Variants in WRN observed in about 807,000 individuals in gnomAD.
WRN encodes WRN RecQ like helicase, also known as bifunctional 3'-5' exonuclease/ATP-dependent helicase WRN.
In WRN, 149 loss-of-function variants were observed where a neutral mutation model predicts 180.7. That is an observed-to-expected ratio of 0.82 (90% CI 0.72 to 0.94). WRN has a LOEUF of 0.94. Ranked by LOEUF, WRN falls within the 40% of genes least tolerant of loss-of-function variation. The pLI is 0.00. For synonymous variants in WRN, 548 were observed against 568.9 expected, an observed-to-expected ratio of 0.96 and a Z score of 0.52; for missense variants, 1,661 against 1,700.1, an observed-to-expected ratio of 0.98 and a Z score of 0.40.
chr8:31,089,528 A>T (rs1813660011), intron 13 of WRN, among the ~76,000 whole-genome samples: 1 of 152,050 alleles, frequency 6.6e-6, no homozygotes, highest in South Asian at 2.1e-4. Flanking sequence ...TTTAAAATAT[A>T]ATCCACTGAA....
At chr8:31,153,342 G>A (rs1803216099) in intron 31 of WRN, among the ~76,000 whole-genome samples, 1 of 152,060 alleles carries the variant, frequency 6.6e-6, no homozygotes, top group Non-Finnish European at 1.5e-5. Context: ...CTAGACCATG[G>A]TGTTGCCATA....
intron 33 of WRN, among the ~76,000 whole-genome samples, chr8:31,159,978 A>T (rs947912480): frequency 5.6e-5 from 8 of 143,884 alleles, no homozygotes; most frequent in Non-Finnish European, 7.7e-5. Context: ...TTGTACCCTG[A>T]CAAGTTTTAG....
intron 7 of WRN, among the ~76,000 whole-genome samples, chr8:31,072,544 G>C (rs1173235237): frequency 6.6e-6 from 1 of 152,120 alleles, no homozygotes; most frequent in East Asian, 1.9e-4. Flanking sequence ...ATGTTGCCCA[G>C]CCTGGCTCAG....
At chr8:31,065,134 G>A in intron 5 of WRN, 71 bp downstream of exon 5, 1 of 1,504,812 alleles carries the variant, frequency 6.6e-7, no homozygotes, top group South Asian at 1.3e-5. Flanking sequence ...CTTTCTATCT[G>A]AATGTTAGAT....
In WRN at chr8:31,033,825, C is replaced by T. The variant is rs1387181386; in HGVS notation, c.-225C>T. On this transcript the variant is annotated 5_prime_UTR_variant, in exon 1 of 35. Coordinates refer to ENST00000298139, the MANE Select transcript of WRN (RefSeq NM_000553.6). Reference sequence around the variant, plus strand: ...CGGAGCTGATGTGTACTGTGTGCGCCGGGGAGGCGCCGGCTTGTACTCGGC... The same window carrying T: ...CGGAGCTGATGTGTACTGTGTGCGCTGGGGAGGCGCCGGCTTGTACTCGGC... The T allele has an allele frequency of 6.6e-6, 1 of 152,208 alleles. No homozygotes were observed. Among genetic ancestry groups the T allele is most frequent in the African/African-American group, 2.4e-5 (1 of 41,406 alleles). 9.4% of individuals were successfully genotyped at this position (152,208 alleles called of 1,614,324 possible).
At chr8:31,147,540 T>A in intron 30 of WRN, 64 bp downstream of exon 30, 1 of 1,456,090 alleles carries the variant, frequency 6.9e-7, no homozygotes, top group Non-Finnish European at 9.6e-7. Flanking sequence ...GGAAAATATA[T>A]CTAAGTTGAT....
intron 7 of WRN, among the ~76,000 whole-genome samples, chr8:31,073,548 G>A (rs1374669098): frequency 1.5e-5 from 2 of 129,716 alleles, no homozygotes; most frequent in African/African-American, 6.4e-5. Flanking sequence ...GGATCAATTT[G>A]GGAAATATGA....
chr8:31,129,074 C>G (rs1802046325), intron 23 of WRN, among the ~76,000 whole-genome samples: 1 of 152,094 alleles, frequency 6.6e-6, no homozygotes, highest in Non-Finnish European at 1.5e-5. Flanking sequence ...AATTCCTGGG[C>G]TCAAGCAATT....
intron 9 of WRN, among the ~76,000 whole-genome samples, chr8:31,082,774 T>A (rs1585430240): frequency 6.6e-6 from 1 of 152,022 alleles, no homozygotes; most frequent in Non-Finnish European, 1.5e-5. Context: ...TTTTTGTATT[T>A]TTAGTAGAGA....
chr8:31,056,177 A>G (rs2129989410), intron 1 of WRN, among the ~76,000 whole-genome samples: 1 of 152,344 alleles, frequency 6.6e-6, no homozygotes, highest in East Asian at 1.9e-4. Flanking sequence ...TACTTACAAA[A>G]TTTTAGAAGT....
At position 31,101,856 on chromosome 8, in the gene WRN, T is replaced by C. The variant is rs1007324465; in HGVS notation, c.2088+901T>C. On this transcript the variant is annotated intron_variant, in intron 18 of 34. Transcript: ENST00000298139. ...ATTCTACATGATTGGCATATTTACA[T>C]GAATGGTTTAAAAACCCACAATAAT... Among the ~76,000 whole-genome samples, 4 of 149,812 alleles carry C rather than the reference T, an allele frequency of 2.7e-5. No individual in the cohort carries two copies. The South Asian group carries it at 8.4e-4, about 32-fold the overall frequency.
rs1804172785 is a variant in WRN, at chr8:31,173,375, T to C, written c.*273T>C. ...AAGAAACTGTTACTGTCCTGTTTTCTAATCTCTTTATTAAAACAGTGTATT... is the reference window on the plus strand; with the variant it reads ...AAGAAACTGTTACTGTCCTGTTTTCCAATCTCTTTATTAAAACAGTGTATT... On this transcript the variant is annotated 3_prime_UTR_variant, in exon 35 of 35. Transcript: ENST00000298139. 4 of 427,908 alleles carry C rather than the reference T, an allele frequency of 9.3e-6. No homozygotes were observed. The highest frequency in any genetic ancestry group is 4.0e-5 in the Admixed American group (1 of 25,216). 26.5% of individuals were successfully genotyped at this position (427,908 alleles called of 1,614,324 possible).
chr8:31,085,796 T>G (rs1813507092), intron 11 of WRN, among the ~76,000 whole-genome samples: 1 of 152,088 alleles, frequency 6.6e-6, no homozygotes, highest in Non-Finnish European at 1.5e-5. Flanking sequence ...TGTTACTTTC[T>G]TGTAATTTTT....
chr8:31,055,405 C>A (rs1812231089), intron 1 of WRN, among the ~76,000 whole-genome samples: 1 of 152,132 alleles, frequency 6.6e-6, no homozygotes, highest in Non-Finnish European at 1.5e-5. Context: ...CTTGCCAGCA[C>A]CTGTTGTTTC....
chr8:31,095,908 T>C (rs1182439489), intron 16 of WRN, among the ~76,000 whole-genome samples: 5 of 152,212 alleles, frequency 3.3e-5, no homozygotes, highest in Admixed American at 2.6e-4. Flanking sequence ...TCAACCCATA[T>C]GCCTGCTGGG....
At chr8:31,143,495 C>T in intron 27 of WRN, 55 bp from the exon 28 acceptor site, 1 of 1,219,322 alleles carries the variant, frequency 8.2e-7, no homozygotes, top group Non-Finnish European at 1.2e-6. Flanking sequence ...ATTTTCTTCA[C>T]ATTTAAAAGT....
Position 31,087,863 on chromosome 8 carries a change from G to A in WRN, c.1519G>A (p.Glu507Lys), listed in dbSNP as rs1408863821. The A allele has an allele frequency of 6.4e-6, 10 of 1,569,346 alleles. No homozygotes were observed. The Admixed American group carries it at 1.2e-4, about 19-fold the overall frequency. ...AAGAAATCTGGGTCTTCCTACTAAA[G>A]AAGAAGAAGAAGATGATGAAAATGA... is the stretch of plus-strand genomic sequence containing the variant. ...MERNLGLPTK[E>K]EEEDDENEAN... Residue 507 changes from glutamate to lysine, a missense_variant, in exon 12 of 35, where the codon GAA (glutamate) becomes AAA (lysine). Physicochemically the swap from Glu to Lys is moderately conservative, Grantham distance 56 (BLOSUM62 1). Around this residue, in one of 3 missense-constraint regions of WRN, gnomAD observed 1,141 missense variants for 1,149.4 expected, o/e 0.99. Coordinates refer to ENST00000298139, the MANE Select transcript of WRN (RefSeq NM_000553.6).
intron 20 of WRN, chr8:31,119,931 A>G (rs1396509937): frequency 2.5e-5 from 8 of 314,240 alleles, no homozygotes; most frequent in East Asian, 7.7e-5. Flanking sequence ...AAACTTCATT[A>G]TAATGCAAAA....
chr8:31,057,731 A>G (rs1812327878), intron 1 of WRN, among the ~76,000 whole-genome samples: 1 of 152,182 alleles, frequency 6.6e-6, no homozygotes, highest in South Asian at 2.1e-4. Flanking sequence ...TATTAACAAA[A>G]CAAATATGTT....
Sources: allele counts gnomAD v4.1 joint callset (sites outside exome capture counted in the v4.1 genomes callset), GRCh38; gene constraint gnomAD v4.1.1; regional missense constraint gnomAD v4.1.1; transcripts MANE v1.5; gene names NCBI Gene and HGNC (gene_info 2026-07-23, HGNC 2026-07-21).